GALNTL5: variants seen among roughly 807,000 people sequenced by gnomAD.
GALNTL5 encodes inactive polypeptide N-acetylgalactosaminyltransferase-like protein 5.
GALNTL5 carries 44 observed loss-of-function variants against 51.0 expected under a neutral mutation model. That is an observed-to-expected ratio of 0.86 (90% CI 0.68 to 1.11). The LOEUF (loss-of-function observed/expected upper bound fraction) is 1.11. GALNTL5 is among the 50% of genes least tolerant of loss of function. The pLI is 0.00. For synonymous variants in GALNTL5, 192 were observed against 182.8 expected, an observed-to-expected ratio of 1.05 and a Z score of -0.41; for missense variants, 528 against 531.8, an observed-to-expected ratio of 0.99 and a Z score of 0.07.
At chr7:151,971,095 CTAGATAGATAGA>C (rs550987811) in intron 3 of GALNTL5, 30 bp downstream of exon 3, 3 of 1,120,500 alleles carry the variant, frequency 2.7e-6, no homozygotes, top group African/African-American at 3.2e-5. Flanking sequence ...CTCTCATTCT[CTAGATAGATAGA>C]TAGATAGATA....
intron 5 of GALNTL5, among the ~76,000 whole-genome samples, chr7:152,000,983 G>A (rs551294676): frequency 2.8e-5 from 4 of 142,794 alleles, no homozygotes; most frequent in Admixed American, 2.2e-4. Flanking sequence ...TTGGCTCACT[G>A]CAACCTCCGC....
intron 7 of GALNTL5, 123 bp from the exon 8 acceptor site, chr7:152,014,521 G>A: frequency 1.1e-6 from 1 of 888,106 alleles, no homozygotes; most frequent in East Asian, 2.7e-5. Context: ...GACTGCCTTG[G>A]CCTCCCAAAA....
At chr7:152,011,419 C>A (rs1327831679) in intron 7 of GALNTL5, among the ~76,000 whole-genome samples, 3 of 152,242 alleles carry the variant, frequency 2.0e-5, no homozygotes, top group African/African-American at 4.8e-5. Context: ...CCTCAAACAG[C>A]CCCAACAATC....
At chr7:151,998,448 A>G (rs2081527734) in intron 5 of GALNTL5, among the ~76,000 whole-genome samples, 1 of 152,214 alleles carries the variant, frequency 6.6e-6, no homozygotes, top group African/African-American at 2.4e-5. Context: ...TATTTTTAGT[A>G]TGTAAAATGT....
intron 1 of GALNTL5, among the ~76,000 whole-genome samples, chr7:151,957,254 A>T (rs917394203): frequency 4.6e-5 from 7 of 151,820 alleles, no homozygotes; most frequent in East Asian, 1.9e-4. Context: ...GTATTTTTTT[A>T]AAAACTTGGC....
rs149313923 is a variant in GALNTL5 at position 151,966,986 on chromosome 7, C to T, written c.-39-222C>T. Among the ~76,000 whole-genome samples the T allele has an allele frequency of 7.2e-5, 11 of 152,100 alleles. No homozygotes were observed. The East Asian group carries it at 1.2e-3, about 16-fold the overall frequency. On this transcript the variant is annotated intron_variant, in intron 1 of 8. Coordinates refer to ENST00000392800, the MANE Select transcript of GALNTL5 (RefSeq NM_145292.4). ...ATGGGCCAATGACTTGAAATGACACCGTATGTTTTATAAGCATGTTATACA... is the reference window on the plus strand; with the variant it reads ...ATGGGCCAATGACTTGAAATGACACTGTATGTTTTATAAGCATGTTATACA...
At chr7:151,983,281 G>A (rs377416836) in intron 4 of GALNTL5, 129 bp downstream of exon 4, 13 of 757,566 alleles carry the variant, frequency 1.7e-5, no homozygotes, top group Middle Eastern at 3.6e-4. Flanking sequence ...GAGTTCAAGC[G>A]ATTCTCCTGC....
At chr7:151,959,377 G>T (rs1251584891) in intron 1 of GALNTL5, among the ~76,000 whole-genome samples, 1 of 151,896 alleles carries the variant, frequency 6.6e-6, no homozygotes, top group Non-Finnish European at 1.5e-5. Flanking sequence ...CTCTTTTCAG[G>T]CGTCCTAATT....
At chr7:151,974,909 T>C (rs1300251301) in intron 3 of GALNTL5, among the ~76,000 whole-genome samples, 4 of 152,210 alleles carry the variant, frequency 2.6e-5, no homozygotes, top group Admixed American at 6.5e-5. Flanking sequence ...ACTTATTTAA[T>C]AGGAAATTCA....
At chr7:151,978,067 T>G (rs930141837) in intron 3 of GALNTL5, among the ~76,000 whole-genome samples, 23 of 152,286 alleles carry the variant, frequency 1.5e-4, no homozygotes, top group African/African-American at 5.3e-4. Context: ...TTTTTATTTC[T>G]TTTGGTTTAT....
At chr7:152,017,941 G>A (rs987077879) in intron 8 of GALNTL5, among the ~76,000 whole-genome samples, 1 of 151,842 alleles carries the variant, frequency 6.6e-6, no homozygotes, top group Non-Finnish European at 1.5e-5. Flanking sequence ...CACCTCCCAC[G>A]TTCAGTGATT....
At chr7:151,957,345 A>G (rs1203355004) in intron 1 of GALNTL5, among the ~76,000 whole-genome samples, 1 of 149,790 alleles carries the variant, frequency 6.7e-6, no homozygotes, top group Non-Finnish European at 1.5e-5. Flanking sequence ...GGAGTTTGAG[A>G]CCAGCCTGGG....
intron 7 of GALNTL5, 77 bp downstream of exon 7, chr7:152,008,021 T>C (rs2081673099): frequency 2.4e-6 from 2 of 820,058 alleles, no homozygotes; most frequent in Non-Finnish European, 4.2e-6. Context: ...GTGGTAATTA[T>C]GCTCAATTTT....
At chr7:151,961,138 G>A (rs1190536170) in intron 1 of GALNTL5, among the ~76,000 whole-genome samples, 1 of 152,158 alleles carries the variant, frequency 6.6e-6, no homozygotes, top group Non-Finnish European at 1.5e-5. Context: ...GCTGCAGTGA[G>A]CTATGATCAT....
At chr7:151,965,559 T>C (rs2081048585) in intron 1 of GALNTL5, among the ~76,000 whole-genome samples, 1 of 152,190 alleles carries the variant, frequency 6.6e-6, no homozygotes, top group Non-Finnish European at 1.5e-5. Context: ...CCACATTTTC[T>C]TCAGAGCTTA....
At chr7:152,011,758 T>C (rs2081741420) in intron 7 of GALNTL5, among the ~76,000 whole-genome samples, 1 of 152,198 alleles carries the variant, frequency 6.6e-6, no homozygotes, top group South Asian at 2.1e-4. Context: ...CCTCCTTCTC[T>C]GCCTGGAACA....
At chr7:151,995,085 C>G (rs918462982) in intron 5 of GALNTL5, 1 of 152,656 alleles carries the variant, frequency 6.6e-6, no homozygotes, top group African/African-American at 2.4e-5. Flanking sequence ...TCATAATTCT[C>G]ATCACTATCT....
chr7:152,009,072 T>C (rs1450191619), intron 7 of GALNTL5, among the ~76,000 whole-genome samples: 1 of 152,222 alleles, frequency 6.6e-6, no homozygotes, highest in South Asian at 2.1e-4. Flanking sequence ...CCTTTCCTGA[T>C]GGCCTGTCAT....
At chr7:151,968,108 G>A (rs1306295779) in intron 2 of GALNTL5, among the ~76,000 whole-genome samples, 8 of 151,964 alleles carry the variant, frequency 5.3e-5, no homozygotes, top group Admixed American at 5.2e-4. Context: ...CCTGCCTGGG[G>A]AACATAGCAA....
Sources: gnomAD v4.1 joint callset for allele counts (sites outside exome capture counted in the v4.1 genomes callset) on GRCh38, gnomAD v4.1.1 for gene constraint, MANE v1.5 for transcripts, NCBI Gene and HGNC (gene_info 2026-07-23, HGNC 2026-07-21) for gene names.